TAFA5: variants seen among roughly 807,000 people sequenced by gnomAD.
TAFA5 encodes the protein TAFA chemokine like family member 5, also known as chemokine-like protein TAFA-5.
In TAFA5, 6 loss-of-function variants were observed where a neutral mutation model predicts 15.3. That is an observed-to-expected ratio of 0.39 (90% CI 0.21 to 0.77). TAFA5 has a LOEUF of 0.77. Ranked by LOEUF, TAFA5 falls within the 30% of genes least tolerant of loss-of-function variation. The probability of loss-of-function intolerance (pLI) is 0.41; values close to 1 mark genes in which losing one functional copy is unlikely to be tolerated. For synonymous variants in TAFA5, 103 were observed against 80.7 expected (o/e 1.28, Z -1.48); for missense variants, 161 against 193.1 (o/e 0.83, Z 0.98).
chr22:48,564,066 T>G (rs943408320), intron 1 of TAFA5, among the ~76,000 whole-genome samples: 10 of 152,182 alleles, frequency 6.6e-5, no homozygotes, highest in Non-Finnish European at 1.2e-4. Flanking sequence ...GCACATGATG[T>G]GTGCAGGAAG....
At chr22:48,643,130 G>A (rs1434489400) in intron 1 of TAFA5, among the ~76,000 whole-genome samples, 2 of 152,198 alleles carry the variant, frequency 1.3e-5, no homozygotes, top group South Asian at 2.1e-4. Flanking sequence ...TGGGGGTCGC[G>A]ACAGCCCAGA....
intron 1 of TAFA5, among the ~76,000 whole-genome samples, chr22:48,642,696 G>A (rs767647844): frequency 5.9e-5 from 9 of 152,158 alleles, no homozygotes; most frequent in South Asian, 4.1e-4. Context: ...TGTGGCCTGC[G>A]TGGTCTTTCT....
intron 1 of TAFA5, among the ~76,000 whole-genome samples, chr22:48,603,222 C>T (rs780900576): frequency 5.3e-5 from 8 of 152,242 alleles, no homozygotes; most frequent in South Asian, 2.1e-4. Flanking sequence ...CATACCCATG[C>T]GCACTGCCTG....
intron 1 of TAFA5, among the ~76,000 whole-genome samples, chr22:48,501,451 C>T (rs1302782340): frequency 2.0e-5 from 3 of 152,238 alleles, no homozygotes; most frequent in African/African-American, 7.2e-5. Context: ...GCGGCGTGAA[C>T]TCGGGTGACG....
chr22:48,535,890 A>G (rs1002343338), intron 1 of TAFA5, among the ~76,000 whole-genome samples: 2 of 151,750 alleles, frequency 1.3e-5, no homozygotes, highest in East Asian at 1.9e-4. Flanking sequence ...GTGTGTGTGC[A>G]CACAGGCTGT....
intron 1 of TAFA5, among the ~76,000 whole-genome samples, chr22:48,630,502 G>C (rs1021965175): frequency 6.6e-6 from 1 of 152,144 alleles, no homozygotes; most frequent in African/African-American, 2.4e-5. Flanking sequence ...GGTGTGCGCT[G>C]TTGTGTCCAC....
At chr22:48,563,911 C>T (rs2147133968) in intron 1 of TAFA5, among the ~76,000 whole-genome samples, 1 of 152,338 alleles carries the variant, frequency 6.6e-6, no homozygotes, top group Middle Eastern at 3.4e-3. Context: ...CCCAGGTTTT[C>T]CTGGAGCCGG....
At chr22:48,659,096 C>T (rs1003824546) in intron 2 of TAFA5, among the ~76,000 whole-genome samples, 1 of 152,262 alleles carries the variant, frequency 6.6e-6, no homozygotes, top group Non-Finnish European at 1.5e-5. Flanking sequence ...GCAGCGCCTT[C>T]TGGACCCCGC....
chr22:48,559,335 G>A (rs1371571412), intron 1 of TAFA5, among the ~76,000 whole-genome samples: 4 of 152,200 alleles, frequency 2.6e-5, no homozygotes, highest in Non-Finnish European at 5.9e-5. Context: ...TGAGCCCTCA[G>A]CCATCACTGC....
At chr22:48,642,596 A>G (rs1234068259) in intron 1 of TAFA5, among the ~76,000 whole-genome samples, 1 of 151,954 alleles carries the variant, frequency 6.6e-6, no homozygotes, top group Non-Finnish European at 1.5e-5. Flanking sequence ...CCCCTCCCCA[A>G]AGGCCTCACA....
chr22:48,661,249 A>C (rs1927428705), intron 2 of TAFA5, among the ~76,000 whole-genome samples: 1 of 152,154 alleles, frequency 6.6e-6, no homozygotes, highest in Non-Finnish European at 1.5e-5. Context: ...GCAGAGAGGG[A>C]CATTCCCCAT....
chr22:48,653,614 T>C (rs1156703370), intron 2 of TAFA5, among the ~76,000 whole-genome samples: 1 of 152,000 alleles, frequency 6.6e-6, no homozygotes, highest in Middle Eastern at 3.4e-3. Flanking sequence ...AGCCAGTCCT[T>C]CTCCAGCAAG....
intron 1 of TAFA5, among the ~76,000 whole-genome samples, chr22:48,614,859 C>T (rs1206343062): frequency 6.6e-6 from 1 of 152,154 alleles, no homozygotes; most frequent in Non-Finnish European, 1.5e-5. Context: ...GGCACTGGGG[C>T]TGGCCAGCTG....
chr22:48,641,671 C>T (rs1323444260), intron 1 of TAFA5, among the ~76,000 whole-genome samples: 1 of 151,370 alleles, frequency 6.6e-6, no homozygotes, highest in Admixed American at 6.6e-5. Context: ...GCCGTCCCCT[C>T]GCACACGCGT....
intron 2 of TAFA5, among the ~76,000 whole-genome samples, chr22:48,692,645 A>C (rs1299439335): frequency 1.3e-5 from 2 of 152,200 alleles, no homozygotes; most frequent in African/African-American, 4.8e-5. Flanking sequence ...CCCATAAATG[A>C]TGATGGCAGT....
intron 1 of TAFA5, among the ~76,000 whole-genome samples, chr22:48,524,578 G>T (rs766615515): frequency 6.6e-6 from 1 of 152,242 alleles, no homozygotes; most frequent in Non-Finnish European, 1.5e-5. Flanking sequence ...GGGATGGCTG[G>T]AAGCTGGAGC....
intron 1 of TAFA5, among the ~76,000 whole-genome samples, chr22:48,629,249 C>T (rs1926129177): frequency 6.6e-6 from 1 of 152,138 alleles, no homozygotes; most frequent in African/African-American, 2.4e-5. Flanking sequence ...TGGGCTGACT[C>T]TCCCCTGCTT....
chr22:48,512,970 A>G (rs1313103800), intron 1 of TAFA5, among the ~76,000 whole-genome samples: 4 of 151,246 alleles, frequency 2.6e-5, no homozygotes, highest in African/African-American at 9.7e-5. Context: ...ACTAACTGAA[A>G]AGAAGAGGAA....
chr22:48,627,660 G>A (rs1926072914), intron 1 of TAFA5, among the ~76,000 whole-genome samples: 1 of 152,374 alleles, frequency 6.6e-6, no homozygotes, highest in South Asian at 2.1e-4. Context: ...GGACCCAGCA[G>A]CCTCCTTTCT....
Sources: gnomAD v4.1 joint callset for allele counts (sites outside exome capture counted in the v4.1 genomes callset) on GRCh38, gnomAD v4.1.1 for gene constraint, MANE v1.5 for transcripts, NCBI Gene and HGNC (gene_info 2026-07-23, HGNC 2026-07-21) for gene names.